The following SH2D4B variants were observed in gnomAD, a reference collection of about 807,000 sequenced individuals.
SH2D4B encodes the protein SH2 domain containing 4B.
SH2D4B carries 45 observed loss-of-function variants against 61.5 expected under a neutral mutation model. The observed-to-expected ratio is 0.73, with a 90% CI of 0.58 to 0.94. The LOEUF (loss-of-function observed/expected upper bound fraction) is 0.94. SH2D4B is among the 40% of genes least tolerant of loss of function. The pLI, the probability that SH2D4B is intolerant of heterozygous loss-of-function variation, is 0.00. For missense variants in SH2D4B, 572 were observed against 574.2 expected, an observed-to-expected ratio of 1.00 and a Z score of 0.04; for synonymous variants, 224 against 220.4, an observed-to-expected ratio of 1.02 and a Z score of -0.14.
chr10:80,625,558 A>AT (rs149426810), intron 6 of SH2D4B, among the ~76,000 whole-genome samples: 4,453 of 145,910 alleles, frequency 0.031, 266 homozygotes, highest in African/African-American at 0.11. Flanking sequence ...TTGGTTTTGA[A>AT]TTTTTTTTCT....
chr10:80,585,740 C>T (rs187122159), intron 3 of SH2D4B, among the ~76,000 whole-genome samples: 28 of 152,338 alleles, frequency 1.8e-4, no homozygotes, highest in Non-Finnish European at 2.9e-4. Context: ...CTCGCTCACT[C>T]TGGGCACCTC....
At chr10:80,618,195 G>T (rs1326559820) in intron 6 of SH2D4B, among the ~76,000 whole-genome samples, 1 of 152,236 alleles carries the variant, frequency 6.6e-6, no homozygotes, top group Non-Finnish European at 1.5e-5. Context: ...GAAGCTGTCA[G>T]TCTAGTCAGT....
At chr10:80,633,497 G>A (rs190291652) in intron 6 of SH2D4B, among the ~76,000 whole-genome samples, 49 of 152,294 alleles carry the variant, frequency 3.2e-4, no homozygotes, top group African/African-American at 1.2e-3. Flanking sequence ...GGTCGGGGGT[G>A]GGGGTAATCC....
intron 1 of SH2D4B, among the ~76,000 whole-genome samples, chr10:80,553,932 A>G (rs1469725010): frequency 3.3e-5 from 5 of 152,160 alleles, no homozygotes; most frequent in Admixed American, 2.6e-4. Flanking sequence ...CTTTGGTAAG[A>G]TACTCATGAG....
chr10:80,588,367 TC>T (rs1026890993), intron 3 of SH2D4B, among the ~76,000 whole-genome samples: 1 of 152,178 alleles, frequency 6.6e-6, no homozygotes, highest in Admixed American at 6.6e-5. Context: ...GCCTGAGGGA[TC>T]CTTTCCTGAG....
intron 7 of SH2D4B, among the ~76,000 whole-genome samples, chr10:80,637,949 A>T (rs11593669): frequency 6.6e-6 from 1 of 152,124 alleles, no homozygotes; most frequent in African/African-American, 2.4e-5. Flanking sequence ...TATTATTTTG[A>T]GATATGTTCC....
At chr10:80,540,540 C>A (rs947745961) in intron 1 of SH2D4B, among the ~76,000 whole-genome samples, 1 of 152,132 alleles carries the variant, frequency 6.6e-6, no homozygotes, top group Admixed American at 6.5e-5. Context: ...AGAAGTGATG[C>A]GCTACATCCA....
intron 1 of SH2D4B, among the ~76,000 whole-genome samples, chr10:80,547,863 A>C (rs1248203440): frequency 1.3e-5 from 2 of 152,146 alleles, no homozygotes; most frequent in African/African-American, 2.4e-5. Context: ...GTTGGGGCTG[A>C]GTGTGGGTCT....
chr10:80,584,243 T>C (rs964869065), intron 3 of SH2D4B, among the ~76,000 whole-genome samples: 47 of 152,174 alleles, frequency 3.1e-4, no homozygotes, highest in African/African-American at 1.0e-3. Flanking sequence ...TCAAGGAAGG[T>C]TGAGAGGTGT....
chr10:80,643,682 T>C (rs922928256), intron 7 of SH2D4B, among the ~76,000 whole-genome samples: 1 of 152,078 alleles, frequency 6.6e-6, no homozygotes, highest in African/African-American at 2.4e-5. Flanking sequence ...CCCTCAACTC[T>C]TCCTCGGCTT....
At chr10:80,551,435 T>G (rs1841760550) in intron 1 of SH2D4B, among the ~76,000 whole-genome samples, 1 of 152,062 alleles carries the variant, frequency 6.6e-6, no homozygotes, top group African/African-American at 2.4e-5. Flanking sequence ...TAGAAAAATA[T>G]TTGCAACATA....
At chr10:80,580,421 G>T (rs141744095) in intron 3 of SH2D4B, among the ~76,000 whole-genome samples, 1 of 152,144 alleles carries the variant, frequency 6.6e-6, no homozygotes, top group Admixed American at 6.5e-5. Context: ...CTCTGTGGTC[G>T]GTGGTCTCTT....
At chr10:80,570,015 C>A in intron 1 of SH2D4B, 139 bp from the exon 2 acceptor site, 2 of 1,049,188 alleles carry the variant, frequency 1.9e-6, no homozygotes, top group Non-Finnish European at 2.8e-6. Context: ...GCCCCCAGGC[C>A]AGTGTCTCTC....
At chr10:80,641,997 T>C (rs978980653) in intron 7 of SH2D4B, among the ~76,000 whole-genome samples, 7 of 152,254 alleles carry the variant, frequency 4.6e-5, no homozygotes, top group Admixed American at 3.3e-4. Flanking sequence ...ACTTTGATTA[T>C]CAATTTGCCA....
chr10:80,644,001 T>C lies in SH2D4B; in HGVS notation c.1218T>C (p.Ile406=). Residue 406 remains isoleucine, a synonymous_variant, in exon 8 of 8, where the codon ATT becomes ATC. Transcript: ENST00000646907. ...TDLVDFHKEE[I]ITVSGGELLQ... ...TTTTTTTTCTGTTTTAGGAGGAAATTATCACTGTTTCAGGAGGAGAGTTAC... is the reference window on the plus strand; with the variant it reads ...TTTTTTTTCTGTTTTAGGAGGAAATCATCACTGTTTCAGGAGGAGAGTTAC... 6.2e-7 allele frequency: 1 copy of C among 1,613,740 alleles called. No homozygotes were observed. The highest frequency in any genetic ancestry group is 1.7e-5 in the Admixed American group (1 of 59,994).
At chr10:80,617,074 C>T (rs1465194900) in intron 6 of SH2D4B, among the ~76,000 whole-genome samples, 1 of 152,242 alleles carries the variant, frequency 6.6e-6, no homozygotes, top group East Asian at 1.9e-4. Context: ...GATTCAAACC[C>T]AGGTGATCTG....
chr10:80,579,982 A>G (rs1589343312), intron 3 of SH2D4B, among the ~76,000 whole-genome samples: 1 of 152,194 alleles, frequency 6.6e-6, no homozygotes, highest in East Asian at 1.9e-4. Flanking sequence ...TCTGGTCAGC[A>G]TTTATGGAGC....
chr10:80,614,849 G>C (rs1280592890), intron 6 of SH2D4B, among the ~76,000 whole-genome samples: 1 of 152,220 alleles, frequency 6.6e-6, no homozygotes, highest in Admixed American at 6.5e-5. Context: ...TGAGGACTGA[G>C]GATGTTCTCC....
At chr10:80,592,297 G>A (rs549343154) in intron 4 of SH2D4B, among the ~76,000 whole-genome samples, 1 of 152,256 alleles carries the variant, frequency 6.6e-6, no homozygotes, top group African/African-American at 2.4e-5. Flanking sequence ...CAGAGATATG[G>A]TTTGCAAATA....
Sources: allele counts gnomAD v4.1 joint callset (sites outside exome capture counted in the v4.1 genomes callset), GRCh38; gene constraint gnomAD v4.1.1; transcripts MANE v1.5; gene names NCBI Gene and HGNC (gene_info 2026-07-23, HGNC 2026-07-21).